Variants in SLC38A11 observed in about 807,000 individuals in gnomAD.
The protein encoded by SLC38A11 is putative sodium-coupled neutral amino acid transporter 11.
Under a neutral mutation model 49.4 loss-of-function variants are expected in SLC38A11, and 51 were observed. The observed-to-expected ratio is 1.03, with a 90% confidence interval of 0.83 to 1.30. The LOEUF is 1.30. SLC38A11 is among the 50% of genes most tolerant of loss of function. SLC38A11 has a pLI of 0.00. For synonymous variants in SLC38A11, 203 were observed against 192.9 expected (o/e 1.05, Z -0.43); for missense variants, 574 against 556.2 (o/e 1.03, Z -0.32).
Position 164,897,982 on chromosome 2 carries a change from T to C in SLC38A11, c.*455A>G, listed in dbSNP as rs1349831433. The stretch of plus-strand genomic sequence containing the variant: ...GGAGAGCTCCTCTTTGTTCTTGGGA[T>C]ATGTCTTCTTTTCAATCGTTTTGGG... On this transcript the variant is annotated 3_prime_UTR_variant, in exon 12 of 12. Coordinates refer to ENST00000685975, the MANE Select transcript of SLC38A11 (RefSeq NM_001351537.2). 1 of 153,498 alleles carries C rather than the reference T, an allele frequency of 6.5e-6. No individual in the cohort carries two copies. Among genetic ancestry groups the C allele is most frequent in the Non-Finnish European group, 1.4e-5 (1 of 69,124 alleles). The allele number at this position is 153,498 out of a possible 1,614,324, so 9.5% of individuals were successfully genotyped here.
Position 164,945,742 on chromosome 2 carries a change from T to C in SLC38A11, c.230-15A>G. 1 of 1,599,192 alleles carries C rather than the reference T, an allele frequency of 6.3e-7. No individual in the cohort carries two copies. Among genetic ancestry groups the C allele is most frequent in the Non-Finnish European group, 8.5e-7 (1 of 1,176,694 alleles). Reference sequence around the variant, plus strand: ...AAGGGAAAAGTCTGTGGCAAGAACATCAATTAAATGTCAGATTACATGTAA... The same window carrying C: ...AAGGGAAAAGTCTGTGGCAAGAACACCAATTAAATGTCAGATTACATGTAA... On this transcript the variant is annotated splice_polypyrimidine_tract_variant and intron_variant, in intron 3 of 11. Transcript: ENST00000685975.
At chr2:164,901,859 T>C (rs1684672058) in intron 11 of SLC38A11, among the ~76,000 whole-genome samples, 1 of 152,070 alleles carries the variant, frequency 6.6e-6, no homozygotes, top group Non-Finnish European at 1.5e-5. Flanking sequence ...CCTTCAGTTG[T>C]TTCCTATTAA....
intron 6 of SLC38A11, among the ~76,000 whole-genome samples, chr2:164,938,213 A>T (rs1687509183): frequency 6.6e-6 from 1 of 152,128 alleles, no homozygotes; most frequent in Non-Finnish European, 1.5e-5. Context: ...TTAATTTTTA[A>T]CTAGAAAGAA....
In SLC38A11 at chr2:164,928,822, T is replaced by C. The variant is rs145079105; in HGVS notation, c.617+8528A>G. Among the ~76,000 whole-genome samples, 38 of 152,268 alleles carry C rather than the reference T, an allele frequency of 2.5e-4. 1 individual carries two copies. In the East Asian group the frequency reaches 7.3e-3, roughly 29 times the overall value. On this transcript the variant is annotated intron_variant, in intron 7 of 11. Transcript: ENST00000685975. ...TACTCAAATTCCCTTCACTGATCTT[T>C]AGAATGTGTTCACAATTTACTCCTT... is the stretch of plus-strand genomic sequence containing the variant.
chr2:164,955,306 C>T lies in SLC38A11; in HGVS notation c.-59G>A. ...CTGGGGCTGGGTACGGATTCGCACC[C>T]GGCCAGCCTCCTCCGCCACCTCGCA... On this transcript the variant is annotated 5_prime_UTR_variant, in exon 1 of 12. Coordinates refer to ENST00000685975, the MANE Select transcript of SLC38A11 (RefSeq NM_001351537.2). 6.7e-7 allele frequency: 1 copy of T among 1,486,236 alleles called. No individual in the cohort carries two copies. Among genetic ancestry groups the T allele is most frequent in the Admixed American group, 2.0e-5 (1 of 50,848 alleles). 92.1% of individuals were successfully genotyped at this position (1,486,236 alleles called of 1,614,324 possible).
chr2:164,947,283 C>A (rs1688197484), intron 3 of SLC38A11, among the ~76,000 whole-genome samples: 1 of 151,794 alleles, frequency 6.6e-6, no homozygotes, highest in Non-Finnish European at 1.5e-5. Context: ...AGGTGCCCAC[C>A]ACCATGCCTG....
rs976449498 is a variant in SLC38A11, at chr2:164,896,159, C to T, written c.*2278G>A. ...CAGTTATGCATGGTGGCAAAATAAGCATACAAGTATTCTTGCAAAATAAAT... is the reference window on the plus strand; with the variant it reads ...CAGTTATGCATGGTGGCAAAATAAGTATACAAGTATTCTTGCAAAATAAAT... On this transcript the variant is annotated 3_prime_UTR_variant, in exon 12 of 12. Coordinates refer to ENST00000685975, the MANE Select transcript of SLC38A11 (RefSeq NM_001351537.2). The T allele has an allele frequency of 2.0e-5, 3 of 152,090 alleles. No individual in the cohort carries two copies. The highest frequency in any genetic ancestry group is 4.4e-5 in the Non-Finnish European group (3 of 68,006). The allele number at this position is 152,090 out of a possible 1,614,324, so 9.4% of individuals were successfully genotyped here.
chr2:164,911,871 A>T, intron 9 of SLC38A11, 123 bp from the exon 10 acceptor site: 1 of 530,222 alleles, frequency 1.9e-6, no homozygotes, highest in East Asian at 3.2e-5. Context: ...TATGATTACA[A>T]TGCTGTATTT....
At chr2:164,925,250 A>G (rs1686489889) in intron 7 of SLC38A11, among the ~76,000 whole-genome samples, 1 of 152,202 alleles carries the variant, frequency 6.6e-6, no homozygotes, top group African/African-American at 2.4e-5. Flanking sequence ...TTGGATTAAA[A>G]GGGCAGAGTA....
chr2:164,950,721 C>A (rs957021751), intron 3 of SLC38A11, among the ~76,000 whole-genome samples: 1 of 152,038 alleles, frequency 6.6e-6, no homozygotes, highest in Non-Finnish European at 1.5e-5. Flanking sequence ...TTTTATAATT[C>A]TTTTTGTTCC....
At chr2:164,932,808 G>A (rs999169619) in intron 7 of SLC38A11, among the ~76,000 whole-genome samples, 14 of 151,962 alleles carry the variant, frequency 9.2e-5, no homozygotes, top group African/African-American at 2.7e-4. Context: ...CTTAGGTGAC[G>A]AAATAATCGG....
intron 11 of SLC38A11, among the ~76,000 whole-genome samples, chr2:164,901,805 C>T (rs538657925): frequency 2.0e-5 from 3 of 151,956 alleles, no homozygotes; most frequent in Non-Finnish European, 4.4e-5. Context: ...AGAGAAGTGG[C>T]GAGAGTGGGT....
intron 7 of SLC38A11, among the ~76,000 whole-genome samples, chr2:164,935,327 A>G (rs1198119775): frequency 6.6e-6 from 1 of 152,006 alleles, no homozygotes; most frequent in Admixed American, 6.6e-5. Context: ...GTGTTTACTA[A>G]AGTGAATGAA....
intron 3 of SLC38A11, among the ~76,000 whole-genome samples, chr2:164,950,746 C>T (rs934273957): frequency 3.9e-5 from 6 of 152,070 alleles, no homozygotes; most frequent in Admixed American, 3.3e-4. Context: ...CATTTCATAA[C>T]ATGAAAACAG....
At chr2:164,924,982 G>T (rs774972016) in intron 7 of SLC38A11, among the ~76,000 whole-genome samples, 1 of 152,028 alleles carries the variant, frequency 6.6e-6, no homozygotes, top group Non-Finnish European at 1.5e-5. Context: ...TCCTGACCTC[G>T]TGATCTGCCC....
rs959553021 is a variant in SLC38A11 at position 164,895,242 on chromosome 2, A to G, written c.*3195T>C. On this transcript the variant is annotated 3_prime_UTR_variant, in exon 12 of 12. Coordinates refer to ENST00000685975, the MANE Select transcript of SLC38A11 (RefSeq NM_001351537.2). ...GTCCACTCTACATATTTGCTCTGCT[A>G]TCTTGGCAAATTCTTTACACATTTT... Among the ~76,000 whole-genome samples the G allele has an allele frequency of 1.3e-5, 2 of 152,194 alleles. No homozygotes were observed. Among genetic ancestry groups the G allele is most frequent in the Non-Finnish European group, 2.9e-5 (2 of 68,036 alleles).
chr2:164,915,871 T>C (rs757873384), intron 8 of SLC38A11, 32 bp downstream of exon 8: 2 of 1,541,450 alleles, frequency 1.3e-6, no homozygotes, highest in African/African-American at 1.4e-5. Flanking sequence ...GAACTCCACA[T>C]TGAGAAAGGG....
intron 11 of SLC38A11, chr2:164,907,898 T>C (rs1685127094): frequency 6.6e-6 from 1 of 151,986 alleles, no homozygotes; most frequent in South Asian, 2.1e-4. Flanking sequence ...GGGAAGTAAA[T>C]GGGAAATAGT....
intron 9 of SLC38A11, among the ~76,000 whole-genome samples, chr2:164,913,227 G>C (rs1244679703): frequency 6.6e-6 from 1 of 151,822 alleles, no homozygotes; most frequent in East Asian, 1.9e-4. Context: ...TGGGCAGGAG[G>C]GGATTAAAAC....
Sources: gnomAD v4.1 joint callset for allele counts (sites outside exome capture counted in the v4.1 genomes callset) on GRCh38, gnomAD v4.1.1 for gene constraint, MANE v1.5 for transcripts, NCBI Gene and HGNC (gene_info 2026-07-23, HGNC 2026-07-21) for gene names.